The following GRM7 variants were observed in gnomAD, a reference collection of about 807,000 sequenced individuals.
The protein encoded by GRM7 is metabotropic glutamate receptor 7.
A neutral mutation model predicts 84.5 loss-of-function variants in GRM7; 35 were observed. The ratio of observed to expected loss-of-function variants is 0.41; its 90% CI spans 0.32 to 0.55. The LOEUF (loss-of-function observed/expected upper bound fraction) is 0.55. Among genes scored for constraint, GRM7 ranks in the 20% least tolerant of loss-of-function variants. The pLI is 0.19. For missense variants in GRM7, 1,003 were observed against 1,194.6 expected, an observed-to-expected ratio of 0.84 and a Z score of 2.36; for synonymous variants, 487 against 455.1, an observed-to-expected ratio of 1.07 and a Z score of -0.89.
intron 5 of GRM7, among the ~76,000 whole-genome samples, chr3:7,419,506 C>T (rs559723405): frequency 4.6e-5 from 7 of 152,232 alleles, no homozygotes; most frequent in South Asian, 4.2e-4. Flanking sequence ...CATCTTCTTC[C>T]GAGAAGCTGT....
chr3:7,430,877 C>T (rs1489252755), intron 5 of GRM7, among the ~76,000 whole-genome samples: 1 of 152,176 alleles, frequency 6.6e-6, no homozygotes, highest in African/African-American at 2.4e-5. Flanking sequence ...GAGCAAAGGT[C>T]AAATAGGCTT....
At chr3:7,240,417 C>T (rs1279377666) in intron 2 of GRM7, among the ~76,000 whole-genome samples, 1 of 151,350 alleles carries the variant, frequency 6.6e-6, no homozygotes, top group African/African-American at 2.4e-5. Flanking sequence ...ATAATTTTAA[C>T]CAAATGACTT....
chr3:7,201,801 G>A (rs1320351064), intron 2 of GRM7, among the ~76,000 whole-genome samples: 3 of 152,104 alleles, frequency 2.0e-5, no homozygotes, highest in African/African-American at 7.2e-5. Flanking sequence ...TTGATCCTTG[G>A]AAATAGGATG....
chr3:7,473,186 G>A (rs934386850), intron 7 of GRM7, among the ~76,000 whole-genome samples: 12 of 152,228 alleles, frequency 7.9e-5, no homozygotes, highest in African/African-American at 2.6e-4. Context: ...GAGAACACTA[G>A]GCCCAGGGTA....
chr3:7,389,988 G>T (rs1053138513), intron 4 of GRM7, among the ~76,000 whole-genome samples: 5 of 152,020 alleles, frequency 3.3e-5, no homozygotes, highest in Non-Finnish European at 5.9e-5. Flanking sequence ...CATGTAGCTA[G>T]TACTGTTTTT....
intron 1 of GRM7, among the ~76,000 whole-genome samples, chr3:7,137,581 T>C (rs889662170): frequency 1.1e-4 from 17 of 151,986 alleles, no homozygotes; most frequent in African/African-American, 4.1e-4. Context: ...ATTGGAGAGA[T>C]TGAGAAGATT....
chr3:7,039,521 G>A (rs1574822978), intron 1 of GRM7, among the ~76,000 whole-genome samples: 3 of 152,132 alleles, frequency 2.0e-5, no homozygotes, highest in Admixed American at 1.3e-4. Context: ...ATGCTAATAA[G>A]CCTGTAGTGG....
rs964313740 is a variant in GRM7, at chr3:7,207,529, G to A, written c.736+60861G>A. Reference sequence around the variant, plus strand: ...CTTAACCTCAACAGAAACCCGAATAGCATGATATAATACCCTAACACCCAG... The same window carrying A: ...CTTAACCTCAACAGAAACCCGAATAACATGATATAATACCCTAACACCCAG... On this transcript the variant is annotated intron_variant, in intron 2 of 9. Coordinates refer to ENST00000357716, the MANE Select transcript of GRM7 (RefSeq NM_000844.4). Among the ~76,000 whole-genome samples the A allele has an allele frequency of 2.0e-5, 3 of 152,214 alleles. No homozygotes were observed. In the East Asian group the frequency reaches 5.8e-4, roughly 29 times the overall value.
rs536731048 is a variant in GRM7, at chr3:6,907,917, C to A, written c.519+46010C>A. The stretch of plus-strand genomic sequence containing the variant: ...GTCTTTAGAAGTCAGTTTCTTTTAG[C>A]CATGTGGGGTTATTCTTAATGTATT... On this transcript the variant is annotated intron_variant, in intron 1 of 9. Transcript: ENST00000357716. Among the ~76,000 whole-genome samples the A allele has an allele frequency of 3.9e-5, 6 of 151,984 alleles. No individual in the cohort carries two copies. In the South Asian group the frequency reaches 1.2e-3, roughly 31 times the overall value.
chr3:7,083,363 G>A (rs1176481508), intron 1 of GRM7, among the ~76,000 whole-genome samples: 1 of 152,096 alleles, frequency 6.6e-6, no homozygotes, highest in African/African-American at 2.4e-5. Context: ...TATTTTTTAT[G>A]TATAGTACTA....
intron 2 of GRM7, among the ~76,000 whole-genome samples, chr3:7,229,751 A>T (rs1460992842): frequency 3.8e-4 from 11 of 28,628 alleles, no homozygotes; most frequent in African/African-American, 1.4e-3. Context: ...ATATATATAT[A>T]TATATATATT....
intron 2 of GRM7, among the ~76,000 whole-genome samples, chr3:7,290,277 C>A (rs1023141731): frequency 6.6e-6 from 1 of 152,156 alleles, no homozygotes; most frequent in East Asian, 1.9e-4. Context: ...ATCATTTCCC[C>A]TTTCTGGAAC....
In GRM7 at chr3:7,184,333, C is replaced by T. The variant is rs186233415; in HGVS notation, c.736+37665C>T. 1.0e-3 allele frequency among the ~76,000 whole-genome samples: 157 copies of T among 151,924 alleles called. 1 individual carries two copies. Among genetic ancestry groups the T allele is most frequent in the East Asian group, 1.2e-3 (6 of 5,174 alleles). On this transcript the variant is annotated intron_variant, in intron 2 of 9. Transcript: ENST00000357716. ...CTGTTTTTTAAATATAGCTCCTTGC[C>T]TTAGATGTATTAATCAAATTTATTA...
chr3:7,306,046 C>T (rs1700184084), intron 3 of GRM7, among the ~76,000 whole-genome samples: 2 of 152,216 alleles, frequency 1.3e-5, no homozygotes, highest in South Asian at 2.1e-4. Context: ...AAATAATTAA[C>T]ATCTTTAATT....
intron 4 of GRM7, among the ~76,000 whole-genome samples, chr3:7,375,347 T>C (rs1180647503): frequency 6.6e-6 from 1 of 151,526 alleles, no homozygotes; most frequent in Non-Finnish European, 1.5e-5. Context: ...GCCTCCTGAG[T>C]GGCTGGGACT....
intron 1 of GRM7, among the ~76,000 whole-genome samples, chr3:7,013,491 A>G (rs181415605): frequency 2.9e-4 from 44 of 152,326 alleles, no homozygotes; most frequent in African/African-American, 8.7e-4. Context: ...AAAAACAACA[A>G]GCAAAACACT....
At position 7,086,849 on chromosome 3, in the gene GRM7, T is replaced by C. The variant is rs79043890; in HGVS notation, c.520-59603T>C. Among the ~76,000 whole-genome samples the C allele has an allele frequency of 6.3e-3, 964 of 152,320 alleles. 7 individuals carry two copies. Among genetic ancestry groups the C allele is most frequent in the Non-Finnish European group, 9.4e-3 (638 of 68,014 alleles). Reference sequence around the variant, plus strand: ...GCTCAAAATCTCAGGACTGGAAACTTTGCTTCACTTAGAGGTCACTCTCTG... The same window carrying C: ...GCTCAAAATCTCAGGACTGGAAACTCTGCTTCACTTAGAGGTCACTCTCTG... On this transcript the variant is annotated intron_variant, in intron 1 of 9. Coordinates refer to ENST00000357716, the MANE Select transcript of GRM7 (RefSeq NM_000844.4).
At chr3:6,873,296 C>T (rs1470342112) in intron 1 of GRM7, among the ~76,000 whole-genome samples, 1 of 152,166 alleles carries the variant, frequency 6.6e-6, no homozygotes. Flanking sequence ...TGGTCCCGAA[C>T]TCCTGACCTC....
chr3:7,042,779 G>A lies in GRM7; in HGVS notation c.520-103673G>A, dbSNP rs114885849. ...CTGTTTTAATATCTATATTTCTCCTGGATTCATTTCAATTGATTTATTTTC... is the reference window on the plus strand; with the variant it reads ...CTGTTTTAATATCTATATTTCTCCTAGATTCATTTCAATTGATTTATTTTC... On this transcript the variant is annotated intron_variant, in intron 1 of 9. Transcript: ENST00000357716. Among the ~76,000 whole-genome samples, 792 of 151,716 alleles carry A rather than the reference G, an allele frequency of 5.2e-3. 3 individuals carry two copies. The highest frequency in any genetic ancestry group is 0.01 in the Middle Eastern group (3 of 290).
Sources: allele counts gnomAD v4.1 joint callset (sites outside exome capture counted in the v4.1 genomes callset), GRCh38; gene constraint gnomAD v4.1.1; transcripts MANE v1.5; gene names NCBI Gene and HGNC (gene_info 2026-07-23, HGNC 2026-07-21).